WDR11: variants seen among roughly 807,000 people sequenced by gnomAD.
The protein encoded by WDR11 is WD repeat-containing protein 11.
A neutral mutation model predicts 151.2 loss-of-function variants in WDR11; 83 were observed. That is an observed-to-expected ratio of 0.55 (90% CI 0.46 to 0.66). The LOEUF is 0.66. Ranked by LOEUF, WDR11 falls within the 30% of genes least tolerant of loss-of-function variation. The pLI is 0.00. For missense variants in WDR11, 1,301 were observed against 1,480.9 expected (o/e 0.88, Z 1.99); for synonymous variants, 484 against 533.1 (o/e 0.91, Z 1.27).
intron 14 of WDR11, 41 bp from the exon 15 acceptor site, chr10:120,885,773 G>T: frequency 6.2e-7 from 1 of 1,611,598 alleles, no homozygotes; most frequent in Non-Finnish European, 8.5e-7. Context: ...TTGACAGAAG[G>T]AAACCTAGCA....
chr10:120,853,403 C>G (rs1845847055), intron 2 of WDR11, among the ~76,000 whole-genome samples: 2 of 151,890 alleles, frequency 1.3e-5, no homozygotes, highest in South Asian at 4.1e-4. Context: ...GTAGCTGGGA[C>G]TACAGGCACC....
At chr10:120,854,543 C>G (rs1440926838) in intron 2 of WDR11, among the ~76,000 whole-genome samples, 1 of 152,180 alleles carries the variant, frequency 6.6e-6, no homozygotes, top group Non-Finnish European at 1.5e-5. Flanking sequence ...GAATTACTGA[C>G]TCATATGGTA....
rs148146594 is a variant in WDR11 at position 120,880,921 on chromosome 10, A to G, written c.1739+20A>G. On this transcript the variant is annotated intron_variant, in intron 13 of 28. Coordinates refer to ENST00000263461, the MANE Select transcript of WDR11 (RefSeq NM_018117.12). ...TTTGAAGTAAGTGTCAACCTAAAAA[A>G]AAATCTATGGTGTTATCACAATGAA... is the stretch of plus-strand genomic sequence containing the variant. 3.2e-3 allele frequency: 5,091 copies of G among 1,573,380 alleles called. 20 individuals carry two copies. Among genetic ancestry groups the G allele is most frequent in the Admixed American group, 4.9e-3 (278 of 56,856 alleles).
At chr10:120,902,925 C>A in intron 22 of WDR11, 130 bp from the exon 23 acceptor site, 1 of 963,016 alleles carries the variant, frequency 1.0e-6, no homozygotes, top group Non-Finnish European at 1.6e-6. Flanking sequence ...CCCTTTCACC[C>A]TGTCAGGCCC....
chr10:120,862,219 C>T (rs1846165983), intron 4 of WDR11, among the ~76,000 whole-genome samples: 1 of 151,744 alleles, frequency 6.6e-6, no homozygotes, highest in South Asian at 2.1e-4. Flanking sequence ...CGGCTCACTG[C>T]AACCTCCACC....
At chr10:120,903,572 T>C (rs535806207) in intron 23 of WDR11, among the ~76,000 whole-genome samples, 1 of 128,126 alleles carries the variant, frequency 7.8e-6, no homozygotes, top group Non-Finnish European at 1.7e-5. Context: ...AAAAAAAGCC[T>C]GATCAAGATT....
chr10:120,880,942 A>G (rs376555859), intron 13 of WDR11, 41 bp downstream of exon 13: 140 of 1,533,166 alleles, frequency 9.1e-5, no homozygotes, highest in Middle Eastern at 1.8e-4. Flanking sequence ...TGTTATCACA[A>G]TGAAATCTCG....
At chr10:120,870,184 TC>T (rs1846486318) in intron 9 of WDR11, among the ~76,000 whole-genome samples, 1 of 152,216 alleles carries the variant, frequency 6.6e-6, no homozygotes, top group African/African-American at 2.4e-5. Flanking sequence ...TGCTATTTTT[TC>T]TATATATTTT....
chr10:120,857,722 A>C (rs1845999037), intron 2 of WDR11, among the ~76,000 whole-genome samples: 1 of 152,186 alleles, frequency 6.6e-6, no homozygotes, highest in Non-Finnish European at 1.5e-5. Context: ...ATATCTGTAC[A>C]CATATATAGG....
chr10:120,873,908 A>G lies in WDR11; in HGVS notation c.1541A>G (p.His514Arg), dbSNP rs1564702693. 6.2e-7 allele frequency: 1 copy of G among 1,611,450 alleles called. No homozygotes were observed. The highest frequency in any genetic ancestry group is 8.5e-7 in the Non-Finnish European group (1 of 1,177,782). Residue 514 changes from histidine to arginine, a missense_variant, in exon 11 of 29, where the codon CAC becomes CGC. His to Arg is a conservative substitution (Grantham distance 29, BLOSUM62 0). Around this residue, in one of 3 missense-constraint regions of WDR11, gnomAD observed 692 missense variants for 762.5 expected, o/e 0.91. Transcript: ENST00000263461. ...SGLLHKELSIHSCEVKGIEWT... is the reference protein window; with the variant it reads ...SGLLHKELSIRSCEVKGIEWT... ...CTGCTACACAAAGAGTTAAGCATCC[A>G]CTCATGTGAAGTCAAGTAAGTATGT... is the stretch of plus-strand genomic sequence containing the variant.
At chr10:120,877,371 T>G (rs1846832047) in intron 11 of WDR11, among the ~76,000 whole-genome samples, 1 of 152,238 alleles carries the variant, frequency 6.6e-6, no homozygotes, top group Admixed American at 6.5e-5. Flanking sequence ...TCAGAGATAC[T>G]GCCCAAGAGA....
At position 120,860,196 on chromosome 10, in the gene WDR11, A is replaced by C; in HGVS notation, c.440A>C (p.Asp147Ala). The C allele has an allele frequency of 6.2e-7, 1 of 1,614,188 alleles. No individual in the cohort carries two copies. ...PPNYIVLWNA[D>A]TGTKLWKKSY... ...AATTACATTGTGCTCTGGAATGCCG[A>C]CACTGGCACCAAACTATGGAAGAAG... The change falls in exon 4 of 29, where the codon GAC (aspartate) becomes GCC (alanine). Residue 147 changes from aspartate (D) to alanine (A), a missense_variant. Transcript: ENST00000263461.
At position 120,889,126 on chromosome 10, in the gene WDR11, G is replaced by A. The variant is rs749562932; in HGVS notation, c.2170G>A (p.Val724Met). ...TCIAWKGDTL[V>M]LGDMDGNLNF... ...CATCGCTTGGAAAGGTGATACATTA[G>A]TGCTTGGAGATATGGATGGAAATTT... The change falls in exon 17 of 29, where the codon GTG (valine) becomes ATG (methionine). Residue 724 changes from valine (V) to methionine (M), a missense_variant. Physicochemically the swap from Val to Met is conservative, Grantham distance 21. Transcript: ENST00000263461. 1.2e-6 allele frequency: 2 copies of A among 1,614,034 alleles called. No individual in the cohort carries two copies.
At chr10:120,906,661 A>G in intron 27 of WDR11, 115 bp from the exon 28 acceptor site, 1 of 1,588,272 alleles carries the variant, frequency 6.3e-7, no homozygotes, top group African/African-American at 1.3e-5. Context: ...TTGTATCTTA[A>G]TGCAGTATGC....
chr10:120,897,818 A>G (rs1162346065), intron 19 of WDR11, among the ~76,000 whole-genome samples: 1 of 152,254 alleles, frequency 6.6e-6, no homozygotes, highest in Non-Finnish European at 1.5e-5. Flanking sequence ...CATTTGGGGA[A>G]TAACAAGGGA....
chr10:120,904,205 C>A (rs1216785412), intron 24 of WDR11, 63 bp downstream of exon 24: 10 of 1,240,976 alleles, frequency 8.1e-6, no homozygotes, highest in Admixed American at 6.8e-5. Flanking sequence ...TATTTCAGAG[C>A]AATATATCTG....
intron 11 of WDR11, among the ~76,000 whole-genome samples, chr10:120,874,194 TTGTTGTTGTTG>T: frequency 1.4e-5 from 1 of 72,982 alleles, no homozygotes; most frequent in Non-Finnish European, 3.0e-5. Flanking sequence ...TTTTTTTTTG[TTGTTGTTGTTG>T]TTGTTTGTTT....
rs1479411457 is a variant in WDR11, at chr10:120,852,394, GC to G, written c.87-128del. 46 of 753,288 alleles carry G rather than the reference GC, an allele frequency of 6.1e-5. No homozygotes were observed. The Middle Eastern group carries it at 6.9e-4, about 11-fold the overall frequency. The allele number at this position is 753,288 out of a possible 1,614,324, so 46.7% of individuals were successfully genotyped here. On this transcript the variant is annotated intron_variant, in intron 1 of 28. Transcript: ENST00000263461. ...TTAAGTGGGATAATGATAAATACTG[GC>G]CTTTGGGTTTAAATGATTTTATTAA...
intron 3 of WDR11, 87 bp from the exon 4 acceptor site, chr10:120,860,022 T>G: frequency 6.6e-7 from 1 of 1,510,458 alleles, no homozygotes; most frequent in Non-Finnish European, 9.2e-7. Flanking sequence ...GATTATATTT[T>G]AAAAACTAAA....
Sources: allele counts gnomAD v4.1 joint callset (sites outside exome capture counted in the v4.1 genomes callset), GRCh38; gene constraint gnomAD v4.1.1; regional missense constraint gnomAD v4.1.1; transcripts MANE v1.5; gene names NCBI Gene and HGNC (gene_info 2026-07-23, HGNC 2026-07-21).